BRWD3: variants seen among roughly 807,000 people sequenced by gnomAD.
BRWD3 encodes the protein bromodomain and WD repeat domain containing 3.
Under a neutral mutation model 149.7 loss-of-function variants are expected in BRWD3, and 10 were observed. The observed-to-expected ratio is 0.07, with a 90% confidence interval of 0.04 to 0.11. The LOEUF (loss-of-function observed/expected upper bound fraction) is 0.11, where lower values mean the gene tolerates loss of function less well. BRWD3 is among the 10% of genes least tolerant of loss of function. The probability of loss-of-function intolerance (pLI) is 1.00; values close to 1 mark genes in which losing one functional copy is unlikely to be tolerated. For synonymous variants in BRWD3, 504 were observed against 456.7 expected, an observed-to-expected ratio of 1.10 and a Z score of -1.32; for missense variants, 940 against 1,373.2, an observed-to-expected ratio of 0.68 and a Z score of 4.99.
At chrX:80,740,768 T>A (rs969537402) in intron 8 of BRWD3, among the ~76,000 whole-genome samples, 3 of 110,894 alleles carry the variant, frequency 2.7e-5, no homozygotes, top group African/African-American at 9.8e-5. Flanking sequence ...CAAATTGAAA[T>A]AAAAAATCAC....
chrX:80,808,868 G>A, intron 3 of BRWD3, 145 bp downstream of exon 3: 1 of 656,770 alleles, frequency 1.5e-6, no homozygotes, highest in Non-Finnish European at 2.4e-6. Context: ...CCTTTTGAGG[G>A]AAGAAGCCAA....
intron 12 of BRWD3, among the ~76,000 whole-genome samples, chrX:80,732,862 G>A (rs181472149): frequency 4.1e-4 from 46 of 111,806 alleles, no homozygotes; most frequent in Middle Eastern, 9.3e-3. Context: ...AATGTTGGCC[G>A]GGCATGGTGG....
chrX:80,678,351 C>A (rs922755787), intron 40 of BRWD3, among the ~76,000 whole-genome samples: 1 of 111,658 alleles, frequency 9.0e-6, no homozygotes, highest in African/African-American at 3.3e-5. Flanking sequence ...ATGGCCAAAG[C>A]AACTGGGTGA....
intron 20 of BRWD3, among the ~76,000 whole-genome samples, chrX:80,713,600 C>T (rs1258025287): frequency 2.7e-5 from 3 of 110,159 alleles, no homozygotes; most frequent in Non-Finnish European, 5.7e-5. Context: ...GACCTTTGTT[C>T]ACTTGTTTAT....
intron 7 of BRWD3, 21 bp from the exon 8 acceptor site, chrX:80,744,274 T>G: frequency 1.8e-6 from 2 of 1,108,784 alleles, no homozygotes; most frequent in Non-Finnish European, 2.4e-6. Flanking sequence ...AAAAGGACAA[T>G]AGGTTTATAA....
In BRWD3 at chrX:80,724,987, G is replaced by A; in HGVS notation, c.1467C>T (p.Asn489=). 8.3e-7 allele frequency: 1 copy of A among 1,209,865 alleles called. No homozygotes were observed. Among genetic ancestry groups the A allele is most frequent in the African/African-American group, 1.7e-5 (1 of 57,712 alleles). Residue 489 remains asparagine, a synonymous_variant, in exon 15 of 41, where the codon AAC becomes AAT. Coordinates refer to ENST00000373275, the MANE Select transcript of BRWD3 (RefSeq NM_153252.5). ...RIILSAGHDG[N]IFIWDLDRGT... ...CCCGGTCAAGGTCCCAAATAAAAAT[G>A]TTCCCATCATGACCTGCTGAAAGTA... is the stretch of plus-strand genomic sequence containing the variant.
Position 80,730,626 on chromosome X carries a change from C to T in BRWD3, c.1128-606G>A, listed in dbSNP as rs774866489. Among the ~76,000 whole-genome samples, 4 of 111,177 alleles carry T rather than the reference C, an allele frequency of 3.6e-5. No homozygotes were observed. In the East Asian group the frequency reaches 1.1e-3, roughly 31 times the overall value. ...CTAAAATTGACTGTGGTGATGGTTG[C>T]ACAACCCTATGAATATACTAAAAAC... On this transcript the variant is annotated intron_variant, in intron 12 of 40. Transcript: ENST00000373275.
At chrX:80,787,966 C>A (rs1159884687) in intron 6 of BRWD3, among the ~76,000 whole-genome samples, 4 of 109,533 alleles carry the variant, frequency 3.7e-5, no homozygotes, top group East Asian at 2.9e-4. Context: ...CGCTTGTAGT[C>A]CCAGCTACTC....
At chrX:80,794,531 A>G (rs900916876) in intron 4 of BRWD3, among the ~76,000 whole-genome samples, 1 of 109,260 alleles carries the variant, frequency 9.2e-6, no homozygotes, top group East Asian at 2.8e-4. Context: ...ATAAAAAAAT[A>G]TATATATATC....
At chrX:80,712,565 C>T (rs761749266) in intron 20 of BRWD3, among the ~76,000 whole-genome samples, 3 of 110,193 alleles carry the variant, frequency 2.7e-5, no homozygotes, top group Non-Finnish European at 3.8e-5. Flanking sequence ...TCTGCCCGGC[C>T]GCCACCCTGT....
At chrX:80,712,637 G>T (rs1055499308) in intron 20 of BRWD3, among the ~76,000 whole-genome samples, 13 of 108,601 alleles carry the variant, frequency 1.2e-4, no homozygotes, top group African/African-American at 4.1e-4. Context: ...GAGCCCCTCT[G>T]CCTGGCTGCC....
At chrX:80,711,130 T>A (rs2072959439) in intron 20 of BRWD3, among the ~76,000 whole-genome samples, 1 of 112,151 alleles carries the variant, frequency 8.9e-6, no homozygotes, top group Non-Finnish European at 1.9e-5. Flanking sequence ...ATAATGTGTG[T>A]TTATTTAGTT....
chrX:80,786,407 AAACTGAAAAAAG>A (rs2074107764), intron 6 of BRWD3, among the ~76,000 whole-genome samples: 1 of 111,144 alleles, frequency 9.0e-6, no homozygotes, highest in Non-Finnish European at 1.9e-5. Flanking sequence ...GAACATCCTC[AAACTGAAAAAAG>A]GGCATTTATC....
In BRWD3 at chrX:80,671,808, T is replaced by C; in HGVS notation, c.*4801A>G. 1 of 111,901 alleles carries C rather than the reference T, an allele frequency of 8.9e-6. No individual in the cohort carries two copies. 9.2% of individuals were successfully genotyped at this position (111,901 alleles called of 1,213,427 possible). A position where few individuals can be genotyped will look rare whatever the true frequency, so the allele number is the denominator to read the frequency against. Reference sequence around the variant, plus strand: ...ATGGATACCAAGAACAAAAAAAAGGTACAGTTATGTTAATACTGTGTAAGA... The same window carrying C: ...ATGGATACCAAGAACAAAAAAAAGGCACAGTTATGTTAATACTGTGTAAGA... On this transcript the variant is annotated 3_prime_UTR_variant, in exon 41 of 41. Coordinates refer to ENST00000373275, the MANE Select transcript of BRWD3 (RefSeq NM_153252.5).
intron 28 of BRWD3, among the ~76,000 whole-genome samples, chrX:80,692,528 C>T (rs2072625863): frequency 8.9e-6 from 1 of 111,940 alleles, no homozygotes; most frequent in African/African-American, 3.2e-5. Flanking sequence ...ATGCAACCAC[C>T]TCTGCCTAGA....
intron 20 of BRWD3, among the ~76,000 whole-genome samples, chrX:80,711,243 C>G (rs1201896407): frequency 1.8e-5 from 2 of 111,665 alleles, no homozygotes; most frequent in African/African-American, 6.5e-5. Context: ...GGGCTAAACT[C>G]TGATCTTTTA....
chrX:80,725,110 G>C, intron 14 of BRWD3, 43 bp from the exon 15 acceptor site: 2 of 1,184,869 alleles, frequency 1.7e-6, no homozygotes, highest in Non-Finnish European at 2.3e-6. Context: ...AACACGAAAT[G>C]TTTGGTTCAT....
intron 6 of BRWD3, among the ~76,000 whole-genome samples, chrX:80,747,543 G>A (rs2147794716): frequency 9.0e-6 from 1 of 110,925 alleles, no homozygotes; most frequent in African/African-American, 3.3e-5. Flanking sequence ...TTTTGAGAAG[G>A]GGAGCTGCAG....
chrX:80,743,984 C>A (rs1215987741), intron 8 of BRWD3, 48 bp downstream of exon 8: 2 of 1,030,577 alleles, frequency 1.9e-6, no homozygotes, highest in Non-Finnish European at 2.7e-6. Flanking sequence ...TCAGAGAATT[C>A]TCACCTTTTT....
Sources: gnomAD v4.1 joint callset for allele counts (sites outside exome capture counted in the v4.1 genomes callset) on GRCh38, gnomAD v4.1.1 for gene constraint, MANE v1.5 for transcripts, NCBI Gene and HGNC (gene_info 2026-07-23, HGNC 2026-07-21) for gene names.